Variants in FAM120A observed in about 807,000 individuals in gnomAD.
FAM120A encodes the protein constitutive coactivator of PPAR-gamma-like protein 1.
A neutral mutation model predicts 109.7 loss-of-function variants in FAM120A; 15 were observed. That is an observed-to-expected ratio of 0.14 (90% confidence interval 0.09 to 0.21). The LOEUF (loss-of-function observed/expected upper bound fraction) is 0.21. Ranked by LOEUF, FAM120A falls within the 10% of genes least tolerant of loss-of-function variation. The probability of loss-of-function intolerance (pLI) is 1.00; values close to 1 mark genes in which losing one functional copy is unlikely to be tolerated. For synonymous variants in FAM120A, 493 were observed against 572.8 expected, an observed-to-expected ratio of 0.86 and a Z score of 1.99; for missense variants, 899 against 1,439.3, an observed-to-expected ratio of 0.62 and a Z score of 6.07.
intron 1 of FAM120A, among the ~76,000 whole-genome samples, chr9:93,456,197 T>C (rs1301536228): frequency 6.6e-6 from 1 of 152,240 alleles, no homozygotes; most frequent in Non-Finnish European, 1.5e-5. Flanking sequence ...TGTTTCTTCT[T>C]GTGTGCCTTG....
intron 5 of FAM120A, among the ~76,000 whole-genome samples, chr9:93,513,144 A>C (rs1449397801): frequency 6.6e-6 from 1 of 152,208 alleles, no homozygotes; most frequent in East Asian, 1.9e-4. Context: ...TTTAAATTAT[A>C]TGGTTGGAGC....
rs1201841029 is a variant in FAM120A at position 93,516,365 on chromosome 9, G to C, written c.1418+96G>C. ...CAGCCCAGCTGGTGTTTTGCTCAGA[G>C]ATGTAGTTTATTGCAGGTGGGTGAT... On this transcript the variant is annotated intron_variant, in intron 7 of 17. Coordinates refer to ENST00000277165, the MANE Select transcript of FAM120A (RefSeq NM_014612.5). The C allele has an allele frequency of 5.2e-6, 8 of 1,552,256 alleles. No individual in the cohort carries two copies. In the South Asian group the frequency reaches 9.8e-5, roughly 19 times the overall value.
chr9:93,537,030 G>A (rs1358596428), intron 10 of FAM120A, among the ~76,000 whole-genome samples: 2 of 152,246 alleles, frequency 1.3e-5, no homozygotes, highest in Non-Finnish European at 2.9e-5. Context: ...TGCTGGTAGG[G>A]AGGGTGGAAC....
chr9:93,480,428 C>G (rs1588813461), intron 3 of FAM120A, among the ~76,000 whole-genome samples: 1 of 152,234 alleles, frequency 6.6e-6, no homozygotes, highest in Middle Eastern at 3.4e-3. Flanking sequence ...CTGTCTCTAC[C>G]CAGGCCCAGG....
rs544041066 is a variant in FAM120A, at chr9:93,529,823, C to T, written c.1734+243C>T. On this transcript the variant is annotated intron_variant, in intron 9 of 17. Transcript: ENST00000277165. Reference sequence around the variant, plus strand: ...TCAACTTAGTATAGAATATTTTATACTTCTAATGAAATAATGCATCACATT... The same window carrying T: ...TCAACTTAGTATAGAATATTTTATATTTCTAATGAAATAATGCATCACATT... 7 of 577,500 alleles carry T rather than the reference C, an allele frequency of 1.2e-5. No homozygotes were observed. In the East Asian group the frequency reaches 1.4e-4, roughly 12 times the overall value. 35.8% of individuals were successfully genotyped at this position (577,500 alleles called of 1,614,324 possible).
At chr9:93,462,276 G>A (rs775535959) in intron 1 of FAM120A, among the ~76,000 whole-genome samples, 11 of 152,064 alleles carry the variant, frequency 7.2e-5, no homozygotes, top group Non-Finnish European at 1.5e-4. Flanking sequence ...CAGTTCAGTG[G>A]CATTAAGTAT....
intron 15 of FAM120A, among the ~76,000 whole-genome samples, chr9:93,560,888 G>A (rs991247791): frequency 6.6e-6 from 1 of 152,156 alleles, no homozygotes; most frequent in Non-Finnish European, 1.5e-5. Context: ...CACATTTGCA[G>A]TTGTAACCTA....
chr9:93,459,747 A>G (rs1857707948), intron 1 of FAM120A, among the ~76,000 whole-genome samples: 1 of 152,192 alleles, frequency 6.6e-6, no homozygotes, highest in Admixed American at 6.5e-5. Flanking sequence ...TGGTTGTCAC[A>G]GCTGGGGGAG....
Position 93,476,355 on chromosome 9 carries a change from AT to A in FAM120A, c.804+22del, listed in dbSNP as rs1161936750. 14 of 1,515,564 alleles carry A rather than the reference AT, an allele frequency of 9.2e-6. No homozygotes were observed. Among genetic ancestry groups the A allele is most frequent in the Middle Eastern group, 3.4e-4 (2 of 5,908 alleles). 93.9% of individuals were successfully genotyped at this position (1,515,564 alleles called of 1,614,324 possible). On this transcript the variant is annotated intron_variant, in intron 3 of 17. Coordinates refer to ENST00000277165, the MANE Select transcript of FAM120A (RefSeq NM_014612.5). ...TCACTAAAGGTACAAATTTCACTTT[AT>A]TTTTCTAGCATTTGTAATAATCAAC...
chr9:93,520,770 A>G (rs78622392), intron 7 of FAM120A, among the ~76,000 whole-genome samples: 5,346 of 152,298 alleles, frequency 0.035, 159 homozygotes, highest in African/African-American at 0.067. Context: ...TACACACTAC[A>G]GAAAATATGC....
intron 11 of FAM120A, among the ~76,000 whole-genome samples, chr9:93,549,694 G>A (rs1392093326): frequency 6.6e-6 from 1 of 152,226 alleles, no homozygotes; most frequent in Non-Finnish European, 1.5e-5. Context: ...TTATTTGCCA[G>A]AGATCACGTC....
At chr9:93,514,296 G>A (rs1199857932) in intron 5 of FAM120A, among the ~76,000 whole-genome samples, 1 of 152,168 alleles carries the variant, frequency 6.6e-6, no homozygotes, top group Admixed American at 6.5e-5. Flanking sequence ...GCCTAGACAC[G>A]TGGGGATTAT....
At chr9:93,453,372 A>G (rs1415091850) in intron 1 of FAM120A, 5 of 985,428 alleles carry the variant, frequency 5.1e-6, no homozygotes, top group Non-Finnish European at 4.8e-6. Context: ...CACATCCATG[A>G]TCCTGGACTT....
At chr9:93,462,665 A>G (rs1857845885) in intron 1 of FAM120A, among the ~76,000 whole-genome samples, 1 of 152,194 alleles carries the variant, frequency 6.6e-6, no homozygotes, top group Non-Finnish European at 1.5e-5. Flanking sequence ...CCAAACTGGA[A>G]CTGTGTACCC....
At chr9:93,454,920 A>G (rs1857484683) in intron 1 of FAM120A, among the ~76,000 whole-genome samples, 1 of 152,246 alleles carries the variant, frequency 6.6e-6, no homozygotes. Context: ...ATGCTGAGCA[A>G]CTGGATCCTT....
intron 11 of FAM120A, among the ~76,000 whole-genome samples, chr9:93,548,100 AT>A (rs1417289003): frequency 6.6e-6 from 1 of 151,916 alleles, no homozygotes; most frequent in Non-Finnish European, 1.5e-5. Context: ...TCTTTTTCTG[AT>A]TAAAAAAAAA....
In FAM120A at chr9:93,542,620, A is replaced by C. The variant is rs184623424; in HGVS notation, c.1910-602A>C. ...GTCTGAAGTCTTGCTGAATAGAATTACTGTGTGCTGGCATCATCTGGGACT... is the reference window on the plus strand; with the variant it reads ...GTCTGAAGTCTTGCTGAATAGAATTCCTGTGTGCTGGCATCATCTGGGACT... On this transcript the variant is annotated intron_variant, in intron 10 of 17. Transcript: ENST00000277165. Among the ~76,000 whole-genome samples the C allele has an allele frequency of 9.8e-4, 149 of 152,324 alleles. 1 individual carries two copies. The highest frequency in any genetic ancestry group is 3.5e-3 in the African/African-American group (145 of 41,562).
chr9:93,517,877 TGCCTG>T (rs1207035603), intron 7 of FAM120A, among the ~76,000 whole-genome samples: 8 of 152,214 alleles, frequency 5.3e-5, no homozygotes, highest in Non-Finnish European at 1.2e-4. Context: ...TGAGTAGGAC[TGCCTG>T]AGCATGTCCT....
chr9:93,520,380 G>A (rs1289849011), intron 7 of FAM120A, among the ~76,000 whole-genome samples: 1 of 152,120 alleles, frequency 6.6e-6, no homozygotes, highest in African/African-American at 2.4e-5. Context: ...AAAGGTATAA[G>A]CATGGAATTC....
Sources: gnomAD v4.1 joint callset for allele counts (sites outside exome capture counted in the v4.1 genomes callset) on GRCh38, gnomAD v4.1.1 for gene constraint, MANE v1.5 for transcripts, NCBI Gene and HGNC (gene_info 2026-07-23, HGNC 2026-07-21) for gene names.